The following KAZN variants were observed in gnomAD, a reference collection of about 807,000 sequenced individuals.
KAZN encodes the protein kazrin.
A neutral mutation model predicts 87.4 loss-of-function variants in KAZN; 40 were observed. The observed-to-expected ratio is 0.46, with a 90% CI of 0.36 to 0.60. KAZN has a LOEUF of 0.60. KAZN is among the 20% of genes least tolerant of loss of function. The pLI is 0.00. For missense variants in KAZN, 898 were observed against 1,073.9 expected (o/e 0.84, Z 2.29); for synonymous variants, 466 against 458.3 (o/e 1.02, Z -0.22).
At chr1:14,576,384 G>A (rs1054829318) in intron 2 of KAZN, among the ~76,000 whole-genome samples, 3 of 150,216 alleles carry the variant, frequency 2.0e-5, no homozygotes, top group Non-Finnish European at 3.0e-5. Flanking sequence ...TGGATGGCTG[G>A]GTGGATGGAT....
intron 1 of KAZN, among the ~76,000 whole-genome samples, chr1:14,040,048 CGTG>C (rs1220767659): frequency 6.6e-6 from 1 of 150,498 alleles, no homozygotes; most frequent in Non-Finnish European, 1.5e-5. Context: ...TGTGTGTGCA[CGTG>C]TGTGTGTGTG....
At chr1:14,075,698 G>A (rs1057260358) in intron 1 of KAZN, among the ~76,000 whole-genome samples, 3 of 152,016 alleles carry the variant, frequency 2.0e-5, no homozygotes, top group African/African-American at 4.8e-5. Flanking sequence ...ATCCTGTTCC[G>A]AAGCCACCTA....
intron 2 of KAZN, among the ~76,000 whole-genome samples, chr1:14,385,322 C>T (rs1057036355): frequency 6.6e-6 from 1 of 152,108 alleles, no homozygotes; most frequent in African/African-American, 2.4e-5. Context: ...TTCAGTTCTG[C>T]TCTGATTTTA....
At chr1:14,560,959 T>C (rs994201473) in intron 2 of KAZN, among the ~76,000 whole-genome samples, 8 of 152,264 alleles carry the variant, frequency 5.3e-5, no homozygotes, top group South Asian at 2.1e-4. Context: ...TGTTGCCCCA[T>C]CAGGAAGAGA....
At chr1:14,533,551 C>G (rs1235561898) in intron 2 of KAZN, among the ~76,000 whole-genome samples, 1 of 152,198 alleles carries the variant, frequency 6.6e-6, no homozygotes, top group African/African-American at 2.4e-5. Flanking sequence ...GTGTCGGCAA[C>G]AGGATGGCTG....
At chr1:14,441,605 A>T (rs1666709524) in intron 2 of KAZN, among the ~76,000 whole-genome samples, 1 of 152,198 alleles carries the variant, frequency 6.6e-6, no homozygotes, top group African/African-American at 2.4e-5. Context: ...ATTTTAACAC[A>T]AATTAATTGT....
chr1:14,215,688 A>C (rs940979412), intron 2 of KAZN, among the ~76,000 whole-genome samples: 1 of 152,148 alleles, frequency 6.6e-6, no homozygotes, highest in Non-Finnish European at 1.5e-5. Context: ...TTTCAGGTAA[A>C]GAAACTGAAG....
At chr1:14,556,164 C>T (rs72645999) in intron 2 of KAZN, among the ~76,000 whole-genome samples, 16,256 of 148,746 alleles carry the variant, frequency 0.11, 957 homozygotes, top group Middle Eastern at 0.16. Context: ...GGCTGGAGGG[C>T]AGCGGTGTGA....
chr1:14,362,355 TCA>T (rs1323284068), intron 2 of KAZN, among the ~76,000 whole-genome samples: 4 of 152,260 alleles, frequency 2.6e-5, no homozygotes, highest in African/African-American at 9.6e-5. Context: ...CATAAGCAAC[TCA>T]CAGTGTGGCA....
chr1:14,192,617 T>C (rs1036818702), intron 2 of KAZN, among the ~76,000 whole-genome samples: 2 of 152,208 alleles, frequency 1.3e-5, no homozygotes, highest in Non-Finnish European at 2.9e-5. Flanking sequence ...GTAAGTGATG[T>C]GTACCATAGT....
chr1:13,962,498 A>G (rs1297608261), intron 1 of KAZN, among the ~76,000 whole-genome samples: 1 of 152,036 alleles, frequency 6.6e-6, no homozygotes, highest in Non-Finnish European at 1.5e-5. Context: ...AGAGGCTCTC[A>G]CTTGCATCAT....
chr1:15,002,036 A>G lies in KAZN; in HGVS notation c.419-32713A>G, dbSNP rs540538928. On this transcript the variant is annotated intron_variant, in intron 2 of 14. Coordinates refer to ENST00000376030, the MANE Select transcript of KAZN (RefSeq NM_201628.3). ...GCTGGGACTACAGGCGCCCGCCACCACACCTGGCTAATTTTTTGTATTTTT... is the reference window on the plus strand; with the variant it reads ...GCTGGGACTACAGGCGCCCGCCACCGCACCTGGCTAATTTTTTGTATTTTT... 3.3e-5 allele frequency among the ~76,000 whole-genome samples: 5 copies of G among 151,778 alleles called. No individual in the cohort carries two copies. In the South Asian group the frequency reaches 1.0e-3, roughly 32 times the overall value.
chr1:14,339,120 G>T (rs559790199), intron 2 of KAZN, among the ~76,000 whole-genome samples: 3 of 151,988 alleles, frequency 2.0e-5, no homozygotes, highest in African/African-American at 7.2e-5. Flanking sequence ...GAGAGACAGA[G>T]AGAAAGAGGG....
At chr1:14,030,324 G>A (rs12239919) in intron 1 of KAZN, among the ~76,000 whole-genome samples, 132,358 of 151,286 alleles carry the variant, frequency 0.87, 58,475 homozygotes, top group Admixed American at 0.94. Context: ...GTAAACTATC[G>A]CAAGAACAAA....
At chr1:14,046,943 G>T (rs560901786) in intron 1 of KAZN, among the ~76,000 whole-genome samples, 2 of 152,320 alleles carry the variant, frequency 1.3e-5, no homozygotes, top group African/African-American at 4.8e-5. Flanking sequence ...ATCTTATGGG[G>T]TACACCTGGT....
chr1:14,458,639 T>C (rs536115932), intron 2 of KAZN, among the ~76,000 whole-genome samples: 2 of 152,302 alleles, frequency 1.3e-5, no homozygotes, highest in Admixed American at 1.3e-4. Context: ...TTATGGCTCA[T>C]AATCTTTCTA....
intron 1 of KAZN, among the ~76,000 whole-genome samples, chr1:14,866,381 G>A (rs1651461794): frequency 6.6e-6 from 1 of 152,202 alleles, no homozygotes; most frequent in Non-Finnish European, 1.5e-5. Flanking sequence ...CAAGGTCTAT[G>A]CCCATCTTGT....
chr1:15,041,149 A>G (rs1312937565), intron 3 of KAZN, among the ~76,000 whole-genome samples: 1 of 145,144 alleles, frequency 6.9e-6, no homozygotes, highest in Non-Finnish European at 1.5e-5. Context: ...TTTAGTAGAG[A>G]TGGGGTTTCA....
At chr1:14,182,188 C>T (rs755524556) in intron 2 of KAZN, among the ~76,000 whole-genome samples, 1 of 152,092 alleles carries the variant, frequency 6.6e-6, no homozygotes, top group Non-Finnish European at 1.5e-5. Flanking sequence ...GATCCCAAAT[C>T]GATGACTGCT....
Sources: gnomAD v4.1 joint callset for allele counts (sites outside exome capture counted in the v4.1 genomes callset) on GRCh38, gnomAD v4.1.1 for gene constraint, MANE v1.5 for transcripts, NCBI Gene and HGNC (gene_info 2026-07-23, HGNC 2026-07-21) for gene names.